Variants in CUX2 observed in about 807,000 individuals in gnomAD.
The protein encoded by CUX2 is homeobox protein cut-like 2.
In CUX2, 40 loss-of-function variants were observed where a neutral mutation model predicts 144.8. The observed-to-expected ratio is 0.28, with a 90% CI of 0.21 to 0.36. The LOEUF is 0.36. Ranked by LOEUF, CUX2 falls within the 10% of genes least tolerant of loss-of-function variation. CUX2 has a pLI of 1.00. For missense variants in CUX2, 1,615 were observed against 1,994.0 expected (o/e 0.81, Z 3.62); for synonymous variants, 827 against 875.6 (o/e 0.94, Z 0.98).
intron 1 of CUX2, among the ~76,000 whole-genome samples, chr12:111,095,233 T>A (rs915162428): frequency 6.6e-6 from 1 of 152,094 alleles, no homozygotes; most frequent in Non-Finnish European, 1.5e-5. Flanking sequence ...CAGAGGCAGG[T>A]AGATAATTTG....
At chr12:111,223,366 C>T (rs1881953567) in intron 3 of CUX2, among the ~76,000 whole-genome samples, 1 of 152,188 alleles carries the variant, frequency 6.6e-6, no homozygotes, top group Non-Finnish European at 1.5e-5. Context: ...CACATTGACA[C>T]CCTGCCCCGA....
chr12:111,232,430 G>A (rs1236178269), intron 3 of CUX2, among the ~76,000 whole-genome samples: 1 of 152,162 alleles, frequency 6.6e-6, no homozygotes. Flanking sequence ...CTTGAGCCCA[G>A]GAGTTTGAAG....
chr12:111,071,515 T>G (rs540560565), intron 1 of CUX2, among the ~76,000 whole-genome samples: 1 of 152,374 alleles, frequency 6.6e-6, no homozygotes, highest in Admixed American at 6.5e-5. Flanking sequence ...ATAAAAGTCC[T>G]GTATCAGATG....
At chr12:111,175,516 C>T (rs547278865) in intron 1 of CUX2, among the ~76,000 whole-genome samples, 5 of 152,064 alleles carry the variant, frequency 3.3e-5, no homozygotes, top group Non-Finnish European at 4.4e-5. Flanking sequence ...AGAGCAGCAC[C>T]CCATGCCTTT....
chr12:111,056,210 A>G (rs999491810), intron 1 of CUX2, among the ~76,000 whole-genome samples: 2 of 152,160 alleles, frequency 1.3e-5, no homozygotes, highest in African/African-American at 4.8e-5. Flanking sequence ...TGTTCTTAAC[A>G]TGTGTGACTG....
At chr12:111,188,850 C>T (rs1278310733) in intron 1 of CUX2, among the ~76,000 whole-genome samples, 1 of 152,146 alleles carries the variant, frequency 6.6e-6, no homozygotes, top group Non-Finnish European at 1.5e-5. Context: ...GACCAGCAAG[C>T]AGTCTCCTGC....
chr12:111,043,365 T>C (rs1869839041), intron 1 of CUX2, among the ~76,000 whole-genome samples: 1 of 152,108 alleles, frequency 6.6e-6, no homozygotes, highest in Admixed American at 6.5e-5. Flanking sequence ...GGAACAGCAT[T>C]TGCAGAGACC....
intron 1 of CUX2, among the ~76,000 whole-genome samples, chr12:111,048,762 G>T (rs1467252994): frequency 6.6e-6 from 1 of 152,230 alleles, no homozygotes; most frequent in Non-Finnish European, 1.5e-5. Context: ...GTCCCAGGGG[G>T]TCGTGTGCTG....
chr12:111,321,553 G>C (rs751575514), intron 17 of CUX2, among the ~76,000 whole-genome samples: 5 of 151,728 alleles, frequency 3.3e-5, no homozygotes, highest in Admixed American at 6.6e-5. Flanking sequence ...AATTAGCCAA[G>C]TGTGGTGGTG....
At position 111,034,890 on chromosome 12, in the gene CUX2, C is replaced by T. The variant is rs1263897630; in HGVS notation, c.63+650C>T. On this transcript the variant is annotated intron_variant, in intron 1 of 21. Transcript: ENST00000261726. The surrounding 1 kb of genome is among the most constrained non-coding windows in gnomAD (Gnocchi z 4.2). Reference sequence around the variant, plus strand: ...CCGCCGCCGCCGCCAGAGCCGCCGCCGCCGGACTGGCCGCAAGCGCCGGCA... The same window carrying T: ...CCGCCGCCGCCGCCAGAGCCGCCGCTGCCGGACTGGCCGCAAGCGCCGGCA... Among the ~76,000 whole-genome samples the T allele has an allele frequency of 6.6e-6, 1 of 150,644 alleles. No individual in the cohort carries two copies. The highest frequency in any genetic ancestry group is 2.4e-5 in the African/African-American group (1 of 41,224).
intron 1 of CUX2, among the ~76,000 whole-genome samples, chr12:111,038,471 A>G (rs1869570100): frequency 6.6e-6 from 1 of 152,274 alleles, no homozygotes; most frequent in African/African-American, 2.4e-5. Context: ...GGTTGGCATT[A>G]GGTGAAGACA....
At chr12:111,096,446 C>G (rs1872820617) in intron 1 of CUX2, among the ~76,000 whole-genome samples, 1 of 152,186 alleles carries the variant, frequency 6.6e-6, no homozygotes, top group Admixed American at 6.5e-5. Flanking sequence ...GCTGGGTGCT[C>G]CCCGTATGGA....
chr12:111,218,063 T>C (rs1174739680), intron 3 of CUX2, 126 bp downstream of exon 3: 2 of 891,060 alleles, frequency 2.2e-6, no homozygotes, highest in Non-Finnish European at 3.7e-6. Context: ...CTGTCCCCAT[T>C]GCAAACTCTG....
At chr12:111,197,434 C>T (rs923539129) in intron 1 of CUX2, among the ~76,000 whole-genome samples, 1 of 152,234 alleles carries the variant, frequency 6.6e-6, no homozygotes, top group Non-Finnish European at 1.5e-5. Context: ...GCGGTGGCCA[C>T]TGTTGGATCC....
chr12:111,250,135 A>C (rs1438900690), intron 3 of CUX2, among the ~76,000 whole-genome samples: 2 of 152,044 alleles, frequency 1.3e-5, no homozygotes, highest in African/African-American at 2.4e-5. Context: ...GTGGGAGCCC[A>C]CCCCCTTTCC....
At chr12:111,060,767 C>A (rs1870732051) in intron 1 of CUX2, among the ~76,000 whole-genome samples, 1 of 152,160 alleles carries the variant, frequency 6.6e-6, no homozygotes, top group Non-Finnish European at 1.5e-5. Context: ...AGCTGACAGC[C>A]TCTGGGAAGT....
intron 1 of CUX2, among the ~76,000 whole-genome samples, chr12:111,169,069 G>T (rs1270763537): frequency 6.6e-6 from 1 of 152,096 alleles, no homozygotes; most frequent in Non-Finnish European, 1.5e-5. Context: ...TAGAAACAGG[G>T]TCTCTGCAGG....
intron 1 of CUX2, among the ~76,000 whole-genome samples, chr12:111,183,374 C>T (rs1282607165): frequency 6.6e-6 from 1 of 152,230 alleles, no homozygotes; most frequent in Non-Finnish European, 1.5e-5. Flanking sequence ...GCCCAGGCTC[C>T]AGTCCCCTCA....
At chr12:111,226,491 G>A (rs1028070506) in intron 3 of CUX2, among the ~76,000 whole-genome samples, 2 of 152,122 alleles carry the variant, frequency 1.3e-5, no homozygotes, top group African/African-American at 4.8e-5. Context: ...AGTATTATAT[G>A]CCTTATAAAG....
Sources: gnomAD v4.1 joint callset for allele counts (sites outside exome capture counted in the v4.1 genomes callset) on GRCh38, gnomAD v4.1.1 for gene constraint, Gnocchi (gnomAD v3.1) non-coding constraint, MANE v1.5 for transcripts, NCBI Gene and HGNC (gene_info 2026-07-23, HGNC 2026-07-21) for gene names.